SORCS2: variants seen among roughly 807,000 people sequenced by gnomAD.
SORCS2 encodes the protein VPS10 domain-containing receptor SorCS2.
A neutral mutation model predicts 141.6 loss-of-function variants in SORCS2; 100 were observed. The observed-to-expected ratio is 0.71, with a 90% CI of 0.60 to 0.83. SORCS2 has a LOEUF of 0.83. Ranked by LOEUF, SORCS2 falls within the 40% of genes least tolerant of loss-of-function variation. The probability of loss-of-function intolerance (pLI) is 0.00; values close to 1 mark genes in which losing one functional copy is unlikely to be tolerated. For missense variants in SORCS2, 1,646 were observed against 1,560.2 expected (o/e 1.05, Z -0.93); for synonymous variants, 789 against 676.9 (o/e 1.17, Z -2.57).
At chr4:7,561,592 C>G (rs879522731) in intron 3 of SORCS2, among the ~76,000 whole-genome samples, 2,977 of 67,274 alleles carry the variant, frequency 0.044, 129 homozygotes, top group African/African-American at 0.18. Context: ...ATCCATTCAT[C>G]CATCTATCCA....
At chr4:7,528,875 C>G (rs1414030196) in intron 2 of SORCS2, among the ~76,000 whole-genome samples, 1 of 152,174 alleles carries the variant, frequency 6.6e-6, no homozygotes, top group East Asian at 1.9e-4. Context: ...GGAGCCTCTG[C>G]CCCCTGCCTC....
chr4:7,658,779 C>A (rs1721963955), intron 5 of SORCS2, among the ~76,000 whole-genome samples: 2 of 152,166 alleles, frequency 1.3e-5, no homozygotes, highest in African/African-American at 2.4e-5. Context: ...GATCCTGGTG[C>A]CAGGCAGGTT....
intron 4 of SORCS2, among the ~76,000 whole-genome samples, chr4:7,653,325 C>T (rs1290299586): frequency 1.3e-5 from 2 of 152,182 alleles, no homozygotes; most frequent in Non-Finnish European, 2.9e-5. Flanking sequence ...CTCACTGCAA[C>T]CTCCGCCTCC....
chr4:7,244,667 A>G (rs1380089072), intron 1 of SORCS2, among the ~76,000 whole-genome samples: 1 of 151,512 alleles, frequency 6.6e-6, no homozygotes, highest in Admixed American at 6.6e-5. Context: ...AGCAGACCCC[A>G]CTCTGTGCGG....
chr4:7,630,003 TCTC>T (rs1218501284), intron 3 of SORCS2, among the ~76,000 whole-genome samples: 1 of 152,138 alleles, frequency 6.6e-6, no homozygotes, highest in Non-Finnish European at 1.5e-5. Context: ...CCCCTCCAGT[TCTC>T]CTACCTCTGC....
rs199516236 is a variant in SORCS2 at position 7,718,092 on chromosome 4, C to T, written c.2333C>T (p.Thr778Met). 138 of 1,611,636 alleles carry T rather than the reference C, an allele frequency of 8.6e-5. No individual in the cohort carries two copies. The African/African-American group carries it at 1.1e-3, about 13-fold the overall frequency. ...CAGGTGCAGCTGCAGTGCCCCCTCA[C>T]GCCGCCCCGGGGCCTGCAGGTCAGC... The part of the protein sequence containing the change: ...QSQVQLQCPL[T>M]PPRGLQVSIQ... The change falls in exon 18 of 27, where the codon ACG (threonine) becomes ATG (methionine). Residue 778 changes from threonine (T) to methionine (M), a missense_variant. Transcript: ENST00000507866.
At chr4:7,410,520 C>G (rs953682616) in intron 2 of SORCS2, among the ~76,000 whole-genome samples, 1 of 152,200 alleles carries the variant, frequency 6.6e-6, no homozygotes, top group Non-Finnish European at 1.5e-5. Context: ...CTCATGGGCT[C>G]TTATGAAGAT....
At chr4:7,351,471 C>T (rs577459950) in intron 1 of SORCS2, among the ~76,000 whole-genome samples, 43 of 152,298 alleles carry the variant, frequency 2.8e-4, no homozygotes, top group Middle Eastern at 3.4e-3. Context: ...TCACATCCTT[C>T]TCTCCTTTCT....
chr4:7,276,552 T>C (rs1202952713), intron 1 of SORCS2, among the ~76,000 whole-genome samples: 1 of 152,130 alleles, frequency 6.6e-6, no homozygotes, highest in Non-Finnish European at 1.5e-5. Context: ...CCCTTATTGC[T>C]GCCGCTTCCT....
chr4:7,248,336 T>TA (rs567076142), intron 1 of SORCS2, among the ~76,000 whole-genome samples: 13 of 152,002 alleles, frequency 8.6e-5, no homozygotes, highest in African/African-American at 2.9e-4. Context: ...CAGGTCACCG[T>TA]GGGGGGGCCC....
chr4:7,269,789 T>C (rs1309704587), intron 1 of SORCS2, among the ~76,000 whole-genome samples: 1 of 152,248 alleles, frequency 6.6e-6, no homozygotes, highest in Admixed American at 6.5e-5. Flanking sequence ...TGCCCAGAAC[T>C]GTGATGAAAA....
intron 2 of SORCS2, among the ~76,000 whole-genome samples, chr4:7,477,821 G>A (rs948513072): frequency 6.6e-6 from 1 of 152,226 alleles, no homozygotes; most frequent in African/African-American, 2.4e-5. Flanking sequence ...GGAACAGACT[G>A]GGCTTAATTG....
intron 2 of SORCS2, among the ~76,000 whole-genome samples, chr4:7,458,826 T>A (rs1323006346): frequency 6.6e-6 from 1 of 150,756 alleles, no homozygotes; most frequent in Non-Finnish European, 1.5e-5. Context: ...GTCAGGGGAG[T>A]CTTCTTGGTG....
chr4:7,511,350 A>G (rs1273086110), intron 2 of SORCS2, among the ~76,000 whole-genome samples: 2 of 116,608 alleles, frequency 1.7e-5, no homozygotes, highest in African/African-American at 5.6e-5. Context: ...AGAGGGAGGG[A>G]GAGAGAGAGA....
chr4:7,270,903 A>G (rs1456699683), intron 1 of SORCS2, among the ~76,000 whole-genome samples: 6 of 152,260 alleles, frequency 3.9e-5, no homozygotes, highest in Non-Finnish European at 8.8e-5. Context: ...TGTTTAGGAT[A>G]CTTACGTTCT....
At chr4:7,667,280 A>G in intron 8 of SORCS2, 67 bp downstream of exon 8, 2 of 1,427,808 alleles carry the variant, frequency 1.4e-6, no homozygotes, top group Admixed American at 1.7e-5. Flanking sequence ...TCATGGGGCA[A>G]CAGGACTCAC....
At chr4:7,382,267 G>A (rs746465184) in intron 1 of SORCS2, among the ~76,000 whole-genome samples, 2 of 152,194 alleles carry the variant, frequency 1.3e-5, no homozygotes, top group African/African-American at 4.8e-5. Flanking sequence ...TTGAACTTTA[G>A]CATCTGGGCA....
In SORCS2 at chr4:7,664,405, AGCCCCATTCGCAG is replaced by A; in HGVS notation, c.1014_1026del (p.Phe338LeufsTer6). ...ACAATTGCTCCGAGAAGATGCTGACAGCCCCATTCGCAGGCCCCATTGACCACGGGTCTCTGAC... is the reference window on the plus strand; with the variant it reads ...ACAATTGCTCCGAGAAGATGCTGACAGCCCCATTGACCACGGGTCTCTGAC... On this transcript the variant is annotated frameshift_variant, in exon 7 of 27. Transcript: ENST00000507866. LOFTEE classifies it high-confidence loss of function. This position sits in a 1 kb window ranked among gnomAD's most constrained non-coding sequence, Gnocchi z 4.7. The A allele has an allele frequency of 6.2e-7, 1 of 1,613,922 alleles. No individual in the cohort carries two copies. Among genetic ancestry groups the A allele is most frequent in the Non-Finnish European group, 8.5e-7 (1 of 1,179,866 alleles).
intron 22 of SORCS2, among the ~76,000 whole-genome samples, chr4:7,729,061 C>T (rs778566024): frequency 2.6e-5 from 4 of 152,178 alleles, no homozygotes; most frequent in Non-Finnish European, 4.4e-5. Context: ...CAGGGTTTGC[C>T]AGATGGAAGT....
Sources: allele counts gnomAD v4.1 joint callset (sites outside exome capture counted in the v4.1 genomes callset), GRCh38; gene constraint gnomAD v4.1.1; non-coding constraint Gnocchi (gnomAD v3.1); transcripts MANE v1.5; gene names NCBI Gene and HGNC (gene_info 2026-07-23, HGNC 2026-07-21).